Variants in MAP3K13 observed in about 807,000 individuals in gnomAD.
The protein encoded by MAP3K13 is mitogen-activated protein kinase kinase kinase 13.
In MAP3K13, 52 loss-of-function variants were observed where a neutral mutation model predicts 104.0. The ratio of observed to expected loss-of-function variants is 0.50; its 90% CI spans 0.40 to 0.63. MAP3K13 has a LOEUF of 0.63. Among genes scored for constraint, MAP3K13 ranks in the 20% least tolerant of loss-of-function variants. MAP3K13 has a pLI of 0.00. For synonymous variants in MAP3K13, 394 were observed against 442.2 expected, an observed-to-expected ratio of 0.89 and a Z score of 1.37; for missense variants, 914 against 1,218.5, an observed-to-expected ratio of 0.75 and a Z score of 3.72.
At chr3:185,301,979 T>C (rs552793167) in intron 2 of MAP3K13, among the ~76,000 whole-genome samples, 1 of 151,908 alleles carries the variant, frequency 6.6e-6, no homozygotes, top group Admixed American at 6.6e-5. Flanking sequence ...GAATTAAAAA[T>C]TTTTGTTTTC....
At chr3:185,413,580 G>C (rs1404706176) in intron 1 of MAP3K13, among the ~76,000 whole-genome samples, 1 of 152,200 alleles carries the variant, frequency 6.6e-6, no homozygotes, top group Non-Finnish European at 1.5e-5. Context: ...CCAGCAATTT[G>C]GGAGGCCGAG....
chr3:185,401,103 GGTGAACACATCATCA>G (rs1712784573), intron 1 of MAP3K13, among the ~76,000 whole-genome samples: 1 of 151,994 alleles, frequency 6.6e-6, no homozygotes, highest in Admixed American at 6.6e-5. Flanking sequence ...CCTCTTGCCA[GGTGAACACATCATCA>G]GCAGTTTTCA....
Position 185,454,968 on chromosome 3 carries a change from T to TATATATATGATATATATGAG in MAP3K13, c.1278+3631_1278+3650dup, listed in dbSNP as rs1560118025. 1.1e-3 allele frequency among the ~76,000 whole-genome samples: 73 copies of TATATATATGATATATATGAG among 67,696 alleles called. 1 individual carries two copies. Among genetic ancestry groups the TATATATATGATATATATGAG allele is most frequent in the African/African-American group, 3.8e-3 (71 of 18,796 alleles). The allele number at this position is 67,696 out of a possible 152,430, so 44.4% of individuals were successfully genotyped here. A position where few individuals can be genotyped will look rare whatever the true frequency, so the allele number is the denominator to read the frequency against. On this transcript the variant is annotated intron_variant, in intron 7 of 13. Coordinates refer to ENST00000265026, the MANE Select transcript of MAP3K13 (RefSeq NM_004721.5). ...AGATATATATGATATATATATGAGA[T>TATATATATGATATATATGAG]ATATATATGATATATATGAGATATA...
At chr3:185,330,046 A>ATTTTTTTTTTTTTTTTTTTTTT (rs548813356) in intron 2 of MAP3K13, among the ~76,000 whole-genome samples, 4 of 98,276 alleles carry the variant, frequency 4.1e-5, no homozygotes, top group Admixed American at 2.4e-4. Context: ...TGCCTGGCTA[A>ATTTTTTTTTTTTTTTTTTTTTT]TTTTTTTTTT....
intron 2 of MAP3K13, among the ~76,000 whole-genome samples, chr3:185,294,488 C>T (rs1028105180): frequency 4.6e-5 from 7 of 152,182 alleles, no homozygotes; most frequent in African/African-American, 1.7e-4. Flanking sequence ...TATGAATGTA[C>T]ATAGTCCTAG....
chr3:185,441,400 T>C lies in MAP3K13; in HGVS notation c.660-2045T>C, dbSNP rs528994135. ...GAGACTTGCTGTGAACCTCTAGGCG[T>C]TGAGGTAGAGAGAAAAGAACTTGAA... On this transcript the variant is annotated intron_variant, in intron 3 of 13. Coordinates refer to ENST00000265026, the MANE Select transcript of MAP3K13 (RefSeq NM_004721.5). Among the ~76,000 whole-genome samples the C allele has an allele frequency of 4.6e-5, 7 of 152,106 alleles. No individual in the cohort carries two copies. The South Asian group carries it at 1.0e-3, about 23-fold the overall frequency.
chr3:185,375,867 GGT>G (rs1724402223), intron 1 of MAP3K13, among the ~76,000 whole-genome samples: 1 of 152,150 alleles, frequency 6.6e-6, no homozygotes, highest in Non-Finnish European at 1.5e-5. Context: ...ATAACAGCAT[GGT>G]GGTGCAGGAT....
chr3:185,284,519 C>T (rs1426019618), intron 1 of MAP3K13, among the ~76,000 whole-genome samples: 2 of 152,062 alleles, frequency 1.3e-5, no homozygotes, highest in Non-Finnish European at 2.9e-5. Flanking sequence ...AGTTCGAGAC[C>T]AGCCTGGCCA....
intron 2 of MAP3K13, among the ~76,000 whole-genome samples, chr3:185,295,890 C>G (rs1720903846): frequency 6.6e-6 from 1 of 152,152 alleles, no homozygotes; most frequent in Admixed American, 6.5e-5. Flanking sequence ...ACAGCCACCA[C>G]TCTTCACTTA....
chr3:185,420,993 C>T (rs959886427), intron 1 of MAP3K13, among the ~76,000 whole-genome samples: 1 of 152,138 alleles, frequency 6.6e-6, no homozygotes, highest in African/African-American at 2.4e-5. Context: ...ACTTCCTCCT[C>T]TTGGGGCCAA....
intron 1 of MAP3K13, among the ~76,000 whole-genome samples, chr3:185,367,560 G>A (rs1723947740): frequency 6.6e-6 from 1 of 152,112 alleles, no homozygotes; most frequent in Non-Finnish European, 1.5e-5. Context: ...TGTTAAAGAG[G>A]AGGAGCTAAC....
At chr3:185,353,491 C>T (rs553025408) in intron 2 of MAP3K13, among the ~76,000 whole-genome samples, 5 of 152,180 alleles carry the variant, frequency 3.3e-5, no homozygotes, top group South Asian at 2.1e-4. Context: ...GGGCTACGGT[C>T]GGTTTACACC....
At chr3:185,385,285 G>A (rs1345746514) in intron 1 of MAP3K13, among the ~76,000 whole-genome samples, 1 of 152,022 alleles carries the variant, frequency 6.6e-6, no homozygotes, top group Non-Finnish European at 1.5e-5. Context: ...CGAGTGGCTG[G>A]GATTACAGGC....
chr3:185,344,274 G>C (rs1237589757), intron 2 of MAP3K13, among the ~76,000 whole-genome samples: 1 of 152,176 alleles, frequency 6.6e-6, no homozygotes, highest in Non-Finnish European at 1.5e-5. Flanking sequence ...GTAAAGAAAA[G>C]GGGAGTGAAT....
At position 185,454,506 on chromosome 3, in the gene MAP3K13, GAT is replaced by G. The variant is rs1390027848; in HGVS notation, c.1278+3118_1278+3119del. On this transcript the variant is annotated intron_variant, in intron 7 of 13. Coordinates refer to ENST00000265026, the MANE Select transcript of MAP3K13 (RefSeq NM_004721.5). ...ATATGATATATATACATATATATGA[GAT>G]ATATATGATATATACCATATATATG... 2.4e-3 allele frequency among the ~76,000 whole-genome samples: 221 copies of G among 92,276 alleles called. 1 individual carries two copies. The highest frequency in any genetic ancestry group is 0.014 in the Middle Eastern group (1 of 70). The allele number at this position is 92,276 out of a possible 152,430, so 60.5% of individuals were successfully genotyped here.
Position 185,391,919 on chromosome 3 carries a change from C to T in MAP3K13, c.-86+28551C>T, listed in dbSNP as rs569425309. On this transcript the variant is annotated intron_variant, in intron 1 of 13. Transcript: ENST00000265026. ...TAAGTATAACCTGTGTTTTGGGGTG[C>T]GGGTGGGGGAGGTGAGCATGGGTAG... Among the ~76,000 whole-genome samples, 58 of 151,786 alleles carry T rather than the reference C, an allele frequency of 3.8e-4. No individual in the cohort carries two copies. The South Asian group carries it at 0.011, about 29-fold the overall frequency.
At chr3:185,410,777 A>T (rs779900129) in intron 1 of MAP3K13, among the ~76,000 whole-genome samples, 2 of 152,112 alleles carry the variant, frequency 1.3e-5, no homozygotes, top group Admixed American at 1.3e-4. Context: ...TCTACTGAAA[A>T]TACAAAAATT....
At chr3:185,362,321 CTT>C (rs1439854197), upstream of MAP3K13, among the ~76,000 whole-genome samples, 1 of 152,162 alleles carries the variant, frequency 6.6e-6, no homozygotes, top group Non-Finnish European at 1.5e-5. Flanking sequence ...AGAGATGCCT[CTT>C]GAGTGAATTT....
chr3:185,471,096 C>A (rs1308282153), intron 10 of MAP3K13, among the ~76,000 whole-genome samples: 27 of 152,094 alleles, frequency 1.8e-4, no homozygotes, highest in Admixed American at 1.8e-3. Context: ...TGAAAAATTG[C>A]CCTTGTTTGA....
Sources: gnomAD v4.1 joint callset for allele counts (sites outside exome capture counted in the v4.1 genomes callset) on GRCh38, gnomAD v4.1.1 for gene constraint, MANE v1.5 for transcripts, NCBI Gene and HGNC (gene_info 2026-07-23, HGNC 2026-07-21) for gene names.